Variants in KIAA0232 observed in about 807,000 individuals in gnomAD.
KIAA0232 encodes uncharacterized protein KIAA0232.
Under a neutral mutation model 122.0 loss-of-function variants are expected in KIAA0232, and 27 were observed. The ratio of observed to expected loss-of-function variants is 0.22; its 90% CI spans 0.16 to 0.31. The LOEUF (loss-of-function observed/expected upper bound fraction) is 0.31. Among genes scored for constraint, KIAA0232 ranks in the 10% least tolerant of loss-of-function variants. The pLI is 1.00. For synonymous variants in KIAA0232, 613 were observed against 587.6 expected (o/e 1.04, Z -0.63); for missense variants, 1,551 against 1,634.2 (o/e 0.95, Z 0.88).
chr4:6,836,854 C>T (rs1024519883), intron 3 of KIAA0232, among the ~76,000 whole-genome samples: 19 of 152,128 alleles, frequency 1.2e-4, no homozygotes, highest in Non-Finnish European at 2.4e-4. Flanking sequence ...TCAGAGAGCA[C>T]GGGGTTGGGG....
Position 6,863,456 on chromosome 4 carries a change from G to A in KIAA0232, c.3074G>A (p.Cys1025Tyr). The A allele has an allele frequency of 6.2e-7, 1 of 1,614,174 alleles. No homozygotes were observed. Among genetic ancestry groups the A allele is most frequent in the South Asian group, 1.1e-5 (1 of 91,078 alleles). ...TTCCATGAAGACTTACTAGGAGCTTGTGGCAACTTTCAAGTCGAAGATCCT... is the reference window on the plus strand; with the variant it reads ...TTCCATGAAGACTTACTAGGAGCTTATGGCAACTTTCAAGTCGAAGATCCT... ...FIFHEDLLGA[C>Y]GNFQVEDPGL... Residue 1025 changes from cysteine to tyrosine, a missense_variant, in exon 7 of 10, where the codon TGT becomes TAT. Transcript: ENST00000307659.
Position 6,855,389 on chromosome 4 carries a change from A to T in KIAA0232, c.370-1775A>T, listed in dbSNP as rs1176267756. On this transcript the variant is annotated intron_variant, in intron 4 of 9. Coordinates refer to ENST00000307659, the MANE Select transcript of KIAA0232 (RefSeq NM_014743.3). The surrounding 1 kb of genome is among the most constrained non-coding windows in gnomAD (Gnocchi z 4.3). ...AGGTGTGAGCCGCTGCGCCCAGCTG[A>T]TTTTTTAAAAAAATATATAAGATGC... Among the ~76,000 whole-genome samples the T allele has an allele frequency of 1.3e-5, 2 of 152,064 alleles. No individual in the cohort carries two copies. The highest frequency in any genetic ancestry group is 4.8e-5 in the African/African-American group (2 of 41,410).
chr4:6,806,617 C>T (rs775260204), intron 2 of KIAA0232, among the ~76,000 whole-genome samples: 2 of 151,200 alleles, frequency 1.3e-5, no homozygotes, highest in Non-Finnish European at 2.9e-5. Flanking sequence ...GTCTATAATC[C>T]CAGCTACTTG....
rs1158846030 is a variant in KIAA0232, at chr4:6,861,649, A to G, written c.1267A>G (p.Thr423Ala). The stretch of plus-strand genomic sequence containing the variant: ...GAGCAGAAAAAGTAAACTAGAGACC[A>G]CATACCGAAACAGACAGGATACAAG... ...PLSRKSKLET[T>A]YRNRQDTSDL... Residue 423 changes from threonine to alanine, a missense_variant, in exon 7 of 10, where the codon ACA (threonine) becomes GCA (alanine). Coordinates refer to ENST00000307659, the MANE Select transcript of KIAA0232 (RefSeq NM_014743.3). The G allele has an allele frequency of 2.5e-6, 4 of 1,614,100 alleles. No individual in the cohort carries two copies. The highest frequency in any genetic ancestry group is 2.7e-5 in the African/African-American group (2 of 75,048).
Position 6,860,672 on chromosome 4 carries a change from A to ATCT in KIAA0232, c.519-227_519-225dup, listed in dbSNP as rs1720805371. ...TGTCATCTTACATATTTTCTCAGTA[A>ATCT]TCTTACAGTGCGTATCACAGTGCTG... is the stretch of plus-strand genomic sequence containing the variant. On this transcript the variant is annotated intron_variant, in intron 6 of 9. Coordinates refer to ENST00000307659, the MANE Select transcript of KIAA0232 (RefSeq NM_014743.3). Among the ~76,000 whole-genome samples, 3 of 152,214 alleles carry ATCT rather than the reference A, an allele frequency of 2.0e-5. No homozygotes were observed. The South Asian group carries it at 6.2e-4, about 32-fold the overall frequency.
chr4:6,831,319 G>A (rs534637585), intron 3 of KIAA0232, among the ~76,000 whole-genome samples: 32 of 152,290 alleles, frequency 2.1e-4, no homozygotes, highest in African/African-American at 7.5e-4. Context: ...CTCCCAAAGC[G>A]CTGGGATTAC....
chr4:6,828,069 A>G (rs1718785293), intron 3 of KIAA0232, among the ~76,000 whole-genome samples: 1 of 152,216 alleles, frequency 6.6e-6, no homozygotes, highest in African/African-American at 2.4e-5. Context: ...AAACTTGGTA[A>G]TATTTTACTG....
intron 4 of KIAA0232, among the ~76,000 whole-genome samples, chr4:6,851,311 A>G (rs1463926917): frequency 1.3e-5 from 2 of 152,224 alleles, no homozygotes; most frequent in Non-Finnish European, 2.9e-5. Context: ...GAGCTTCTGT[A>G]GCCAAATATC....
chr4:6,813,583 CGA>C (rs1238644497), intron 2 of KIAA0232, among the ~76,000 whole-genome samples: 1 of 151,886 alleles, frequency 6.6e-6, no homozygotes, highest in Non-Finnish European at 1.5e-5. Context: ...AGGATGGTCT[CGA>C]TCTCCTGACC....
chr4:6,861,879 T>C lies in KIAA0232; in HGVS notation c.1497T>C (p.Asp499=), dbSNP rs1720888799. 1 of 1,613,982 alleles carries C rather than the reference T, an allele frequency of 6.2e-7. No homozygotes were observed. The highest frequency in any genetic ancestry group is 8.5e-7 in the Non-Finnish European group (1 of 1,179,968). The change falls in exon 7 of 10, where the codon GAT becomes GAC. Residue 499 remains aspartate, a synonymous_variant. Coordinates refer to ENST00000307659, the MANE Select transcript of KIAA0232 (RefSeq NM_014743.3). The stretch of plus-strand genomic sequence containing the variant: ...TACCAGAGGACAATAAATACCTGGA[T>C]GATATTCATCTATCAGAATTAACGC... ...CSLPEDNKYL[D]DIHLSELTHF... is the part of the protein sequence containing the mutation.
chr4:6,882,659 CGCGCGCATGTGT>C lies in KIAA0232; in HGVS notation c.*1694_*1705del, dbSNP rs976379156. On this transcript the variant is annotated 3_prime_UTR_variant, in exon 10 of 10. Transcript: ENST00000307659. ...GTGTGTGTGTGTGTGCGCGCGTGCG[CGCGCGCATGTGT>C]AAGGTTTTATGTTGCTGTTATTTAT... 6.6e-6 allele frequency: 1 copy of C among 152,398 alleles called. No homozygotes were observed. The highest frequency in any genetic ancestry group is 1.5e-5 in the Non-Finnish European group (1 of 68,028). The allele number at this position is 152,398 out of a possible 1,614,324, so 9.4% of individuals were successfully genotyped here.
At chr4:6,820,469 TTTAA>T in intron 2 of KIAA0232, among the ~76,000 whole-genome samples, 1 of 152,304 alleles carries the variant, frequency 6.6e-6, no homozygotes, top group South Asian at 2.1e-4. Flanking sequence ...ATCTCTGCCT[TTTAA>T]TTGATGTGTT....
rs572591231 is a variant in KIAA0232, at chr4:6,863,927, C to G, written c.3545C>G (p.Ser1182Cys). Residue 1182 changes from serine to cysteine, a missense_variant, in exon 7 of 10, where the codon TCT (serine) becomes TGT (cysteine). Transcript: ENST00000307659. ...SGKFLPRLKK[S>C]GMEKSAQTSL... ...AAATTCCTTCCCAGGTTAAAAAAAT[C>G]TGGGATGGAAAAGAGTGCTCAGACA... is the stretch of plus-strand genomic sequence containing the variant. 31 of 1,613,978 alleles carry G rather than the reference C, an allele frequency of 1.9e-5. 1 individual carries two copies. In the South Asian group the frequency reaches 3.0e-4, roughly 15 times the overall value.
Position 6,824,357 on chromosome 4 carries a change from T to G in KIAA0232, c.-97T>G. The G allele has an allele frequency of 1.0e-6, 1 of 1,000,536 alleles. No homozygotes were observed. Among genetic ancestry groups the G allele is most frequent in the Non-Finnish European group, 1.6e-6 (1 of 627,416 alleles). 62.0% of individuals were successfully genotyped at this position (1,000,536 alleles called of 1,614,324 possible). ...ATGCTTATCCTACATGTCAAGCATC[T>G]CTACTTTTTACTGGAGTGAAAATCC... On this transcript the variant is annotated 5_prime_UTR_variant, in exon 3 of 10. Coordinates refer to ENST00000307659, the MANE Select transcript of KIAA0232 (RefSeq NM_014743.3).
intron 8 of KIAA0232, 78 bp downstream of exon 8, chr4:6,871,760 T>C (rs574025784): frequency 4.5e-6 from 4 of 897,150 alleles, no homozygotes; most frequent in African/African-American, 1.7e-5. Context: ...TTTCTATGAA[T>C]ATCAGTCCAA....
rs1720989989 is a variant in KIAA0232 at position 6,863,378 on chromosome 4, A to C, written c.2996A>C (p.Asn999Thr). Residue 999 changes from asparagine (N) to threonine (T), a missense_variant, in exon 7 of 10, where the codon AAT (asparagine) becomes ACT (threonine). Transcript: ENST00000307659. ...AAACCCTTCGTGTCATTTGAACAGA[A>C]TGATCAGCCGAAGAGTGGGGAAAAT... Reference protein sequence around the residue: ...LWKPFVSFEQNDQPKSGENGL... With the variant: ...LWKPFVSFEQTDQPKSGENGL... 1 of 1,614,058 alleles carries C rather than the reference A, an allele frequency of 6.2e-7. No homozygotes were observed. The highest frequency in any genetic ancestry group is 1.7e-5 in the Admixed American group (1 of 60,002).
chr4:6,785,018 A>C (rs906122541), intron 1 of KIAA0232, among the ~76,000 whole-genome samples: 1 of 149,676 alleles, frequency 6.7e-6, no homozygotes, highest in East Asian at 2.0e-4. Flanking sequence ...ACTCACTGCA[A>C]CCTCCGCCCG....
In KIAA0232 at chr4:6,863,994, A is replaced by G. The variant is rs1560204894; in HGVS notation, c.3612A>G (p.Val1204=). Residue 1204 remains valine (V), a synonymous_variant, in exon 7 of 10, where the codon GTA becomes GTG. Transcript: ENST00000307659. The part of the protein sequence containing the change: ...SQEESTGILS[V]GKQNQCLECS... ...AGGAATCAACTGGGATTCTTTCAGT[A>G]GGAAAGCAAAATCAGTGTTTGGAAT... The G allele has an allele frequency of 6.2e-7, 1 of 1,614,054 alleles. No homozygotes were observed. The highest frequency in any genetic ancestry group is 8.5e-7 in the Non-Finnish European group (1 of 1,180,012).
At chr4:6,844,958 G>GA (rs1258535816) in intron 4 of KIAA0232, among the ~76,000 whole-genome samples, 1 of 152,194 alleles carries the variant, frequency 6.6e-6, no homozygotes, top group Non-Finnish European at 1.5e-5. Context: ...CCTGAACTGG[G>GA]AATTATGTGA....
Sources: gnomAD v4.1 joint callset for allele counts (sites outside exome capture counted in the v4.1 genomes callset) on GRCh38, gnomAD v4.1.1 for gene constraint, Gnocchi (gnomAD v3.1) non-coding constraint, MANE v1.5 for transcripts, NCBI Gene and HGNC (gene_info 2026-07-23, HGNC 2026-07-21) for gene names.